Variants in MUC5AC observed in about 807,000 individuals in gnomAD.
MUC5AC encodes mucin 5AC, oligomeric mucus/gel-forming, also known as mucin-5AC.
A neutral mutation model predicts 169.7 loss-of-function variants in MUC5AC; 158 were observed. That is an observed-to-expected ratio of 0.93 (90% confidence interval 0.82 to 1.06). The LOEUF (loss-of-function observed/expected upper bound fraction) is 1.06, where lower values mean the gene tolerates loss of function less well. MUC5AC is among the 50% of genes least tolerant of loss of function. The pLI is 0.00. For missense variants in MUC5AC, 4,359 were observed against 3,089.9 expected (o/e 1.41, Z -9.74); for synonymous variants, 1,975 against 1,237.0 (o/e 1.60, Z -12.52).
In MUC5AC at chr11:1,163,886, C is replaced by G; in HGVS notation, c.684C>G (p.Thr228=). ...CCGCCTCTGTGCTTGCCGCAGACACCAAGCTGACACCCATGGAATTCGGGA... is the reference window on the plus strand; with the variant it reads ...CCGCCTCTGTGCTTGCCGCAGACACGAAGCTGACACCCATGGAATTCGGGA... ...PVVSELLSHN[T]KLTPMEFGNL... is the part of the protein sequence containing the mutation. Residue 228 remains threonine, a synonymous_variant, in exon 7 of 49, where the codon ACC becomes ACG. Coordinates refer to ENST00000621226, the MANE Select transcript of MUC5AC (RefSeq NM_001304359.2). 1 of 1,605,488 alleles carries G rather than the reference C, an allele frequency of 6.2e-7. No homozygotes were observed. The highest frequency in any genetic ancestry group is 1.1e-5 in the South Asian group (1 of 89,568).
rs1268385539 is a variant in MUC5AC, at chr11:1,190,168, C to T, written c.12023C>T (p.Pro4008Leu). 7.4e-4 allele frequency: 566 copies of T among 764,718 alleles called. 1 individual carries two copies. The highest frequency in any genetic ancestry group is 1.1e-3 in the Non-Finnish European group (459 of 417,732). 47.4% of individuals were successfully genotyped at this position (764,718 alleles called of 1,614,324 possible). ...TRLQCRAESH[P>L]EVSIEHLGQV... ...CTCCAGTGCCGAGCCGAGAGCCACC[C>T]GGAGGTGAGCATCGAACACCTGGGC... The change falls in exon 31 of 49, where the codon CCG becomes CTG. Residue 4008 changes from proline to leucine, a missense_variant. By Grantham distance (98) the Pro-to-Leu change is moderately conservative. Transcript: ENST00000621226.
Position 1,187,041 on chromosome 11 carries a change from T to C in MUC5AC, c.8896T>C (p.Ser2966Pro). The change falls in exon 31 of 49, where the codon TCT becomes CCT. Residue 2966 changes from serine to proline, a missense_variant. Coordinates refer to ENST00000621226, the MANE Select transcript of MUC5AC (RefSeq NM_001304359.2). The part of the protein sequence containing the change: ...TISVPTTSTT[S>P]ASTTSTTSGP... Reference sequence around the variant, plus strand: ...CTCTGTTCCTACCACCAGCACAACTTCTGCTTCTACAACCAGCACAACCTC... The same window carrying C: ...CTCTGTTCCTACCACCAGCACAACTCCTGCTTCTACAACCAGCACAACCTC... 1 of 749,102 alleles carries C rather than the reference T, an allele frequency of 1.3e-6. No individual in the cohort carries two copies. Among genetic ancestry groups the C allele is most frequent in the Non-Finnish European group, 2.4e-6 (1 of 410,502 alleles). 46.4% of individuals were successfully genotyped at this position (749,102 alleles called of 1,614,324 possible). A position where few individuals can be genotyped will look rare whatever the true frequency, so the allele number is the denominator to read the frequency against.
chr11:1,200,417 C>T (rs1379342676), intron 48 of MUC5AC, 21 bp from the exon 49 acceptor site: 1 of 670,298 alleles, frequency 1.5e-6, no homozygotes, highest in Admixed American at 2.1e-5. Flanking sequence ...GCAGCTGGTG[C>T]TGAGCAGCCC....
At chr11:1,175,894 C>CTT (rs1860670876) in intron 19 of MUC5AC, among the ~76,000 whole-genome samples, 1 of 145,940 alleles carries the variant, frequency 6.9e-6, no homozygotes, top group African/African-American at 2.6e-5. Flanking sequence ...CATGCACACA[C>CTT]ACCCACACAT....
intron 32 of MUC5AC, among the ~76,000 whole-genome samples, 151 bp from the exon 33 acceptor site, chr11:1,193,334 G>A (rs1477778966): frequency 2.0e-5 from 3 of 152,244 alleles, no homozygotes; most frequent in Non-Finnish European, 4.4e-5. Context: ...GGTGTCTGGG[G>A]TGGGTGCTGA....
At chr11:1,173,584 CCCACTCACTCAT>C (rs1860604791) in intron 16 of MUC5AC, among the ~76,000 whole-genome samples, 1 of 148,360 alleles carries the variant, frequency 6.7e-6, no homozygotes, top group Admixed American at 6.7e-5. Flanking sequence ...CACTCACTCA[CCCACTCACTCAT>C]CCACTCACTC....
intron 19 of MUC5AC, among the ~76,000 whole-genome samples, chr11:1,175,817 C>CA (rs1158053125): frequency 6.5e-5 from 2 of 30,862 alleles, no homozygotes; most frequent in East Asian, 0.011. Flanking sequence ...CTCATGCACA[C>CA]CACACCCACT....
In MUC5AC at chr11:1,184,313, G is replaced by A. The variant is rs1260055848; in HGVS notation, c.6168G>A (p.Pro2056=). 19 of 472,080 alleles carry A rather than the reference G, an allele frequency of 4.0e-5. No individual in the cohort carries two copies. The highest frequency in any genetic ancestry group is 1.0e-4 in the East Asian group (3 of 29,690). The allele number at this position is 472,080 out of a possible 1,614,324, so 29.2% of individuals were successfully genotyped here. Reference sequence around the variant, plus strand: ...ACGTGTGCAGAGACATCACCAGACCGCCAAAGACCGTCGCAACGACACGGC... The same window carrying A: ...ACGTGTGCAGAGACATCACCAGACCACCAAAGACCGTCGCAACGACACGGC... ...TVNVCRDITR[P]PKTVATTRPT... Residue 2056 remains proline (P), a synonymous_variant, in exon 31 of 49, where the codon CCG becomes CCA. Transcript: ENST00000621226.
chr11:1,194,152 A>G lies in MUC5AC; in HGVS notation c.14798A>G (p.Asp4933Gly). ...GWGDPHYITF[D>G]GTYYTFLDNC... ...GGTGACCCCCACTACATCACCTTCG[A>G]CGGCACCTACTACACCTTCCTGGAC... Residue 4933 changes from aspartate (D) to glycine (G), a missense_variant, in exon 34 of 49, where the codon GAC (aspartate) becomes GGC (glycine). Asp to Gly is a moderately conservative substitution (Grantham distance 94). Transcript: ENST00000621226. 1.3e-6 allele frequency: 1 copy of G among 764,954 alleles called. No individual in the cohort carries two copies. The highest frequency in any genetic ancestry group is 2.4e-6 in the Non-Finnish European group (1 of 417,834). The allele number at this position is 764,954 out of a possible 1,614,324, so 47.4% of individuals were successfully genotyped here. A position where few individuals can be genotyped will look rare whatever the true frequency, so the allele number is the denominator to read the frequency against.
In MUC5AC at chr11:1,199,456, C is replaced by T. The variant is rs754121316; in HGVS notation, c.16481C>T (p.Thr5494Met). ...CAGGATGGGCTCGTGGTGGTCACCACGAAGAAGGCGTGCCCCCCGCTCAGC... is the reference window on the plus strand; with the variant it reads ...CAGGATGGGCTCGTGGTGGTCACCATGAAGAAGGCGTGCCCCCCGCTCAGC... ...KHQDGLVVVT[T>M]KKACPPLSCS... Residue 5494 changes from threonine to methionine, a missense_variant, in exon 46 of 49, where the codon ACG becomes ATG. Thr to Met is a moderately conservative substitution (Grantham distance 81, BLOSUM62 -1). Transcript: ENST00000621226. 1.8e-5 allele frequency: 13 copies of T among 725,200 alleles called. No individual in the cohort carries two copies. Among genetic ancestry groups the T allele is most frequent in the South Asian group, 7.2e-5 (5 of 69,104 alleles). The allele number at this position is 725,200 out of a possible 1,614,324, so 44.9% of individuals were successfully genotyped here. A position where few individuals can be genotyped will look rare whatever the true frequency, so the allele number is the denominator to read the frequency against.
rs755939669 is a variant in MUC5AC, at chr11:1,162,029, G to C, written c.334G>C (p.Gly112Arg). Residue 112 changes from glycine (G) to arginine (R), a missense_variant, in exon 4 of 49, where the codon GGT (glycine) becomes CGT (arginine). Transcript: ENST00000621226. The stretch of plus-strand genomic sequence containing the variant: ...CAACTACGTGTTCTCCGAGCACTGC[G>C]GTGCCGCCTACGAGGATTTTAACAT... Reference protein sequence around the residue: ...LCNYVFSEHCGAAYEDFNIQL... With the variant: ...LCNYVFSEHCRAAYEDFNIQL... 6.2e-7 allele frequency: 1 copy of C among 1,612,578 alleles called. No individual in the cohort carries two copies. Among genetic ancestry groups the C allele is most frequent in the Non-Finnish European group, 8.5e-7 (1 of 1,179,774 alleles).
Position 1,193,540 on chromosome 11 carries a change from A to G in MUC5AC, c.14636A>G (p.Asn4879Ser), listed in dbSNP as rs758857105. ...TCCGAGGCCACCTGTGAGGGCAACA[A>G]CGTCATCTCCCTGCGCCCGCGCACG... Reference protein sequence around the residue: ...NCSEATCEGNNVISLRPRTCP... With the variant: ...NCSEATCEGNSVISLRPRTCP... Residue 4879 changes from asparagine (N) to serine (S), a missense_variant, in exon 33 of 49, where the codon AAC becomes AGC. Physicochemically the swap from Asn to Ser is conservative, Grantham distance 46. Coordinates refer to ENST00000621226, the MANE Select transcript of MUC5AC (RefSeq NM_001304359.2). The G allele has an allele frequency of 3.9e-6, 3 of 762,080 alleles. No individual in the cohort carries two copies. The highest frequency in any genetic ancestry group is 7.2e-6 in the Non-Finnish European group (3 of 416,614). The allele number at this position is 762,080 out of a possible 1,614,324, so 47.2% of individuals were successfully genotyped here.
chr11:1,169,780 AC>A (rs1860443812), intron 15 of MUC5AC, among the ~76,000 whole-genome samples: 1 of 129,834 alleles, frequency 7.7e-6, no homozygotes. Context: ...CCACTCACCC[AC>A]TCACGCTTTC....
chr11:1,178,361 G>C (rs1860735575), intron 24 of MUC5AC, 83 bp from the exon 25 acceptor site: 2 of 397,010 alleles, frequency 5.0e-6, no homozygotes, highest in Non-Finnish European at 8.9e-6. Context: ...GGCCCTGGGT[G>C]GGAGGAGGCG....
At position 1,193,555 on chromosome 11, in the gene MUC5AC, G is replaced by A. The variant is rs561191121; in HGVS notation, c.14651G>A (p.Arg4884His). 2.2e-5 allele frequency: 17 copies of A among 764,054 alleles called. No individual in the cohort carries two copies. The highest frequency in any genetic ancestry group is 1.2e-4 in the East Asian group (5 of 41,204). 47.3% of individuals were successfully genotyped at this position (764,054 alleles called of 1,614,324 possible). A position where few individuals can be genotyped will look rare whatever the true frequency, so the allele number is the denominator to read the frequency against. ...GAGGGCAACAACGTCATCTCCCTGCGCCCGCGCACGTGCCCGAGGGTGGAG... is the reference window on the plus strand; with the variant it reads ...GAGGGCAACAACGTCATCTCCCTGCACCCGCGCACGTGCCCGAGGGTGGAG... ...TCEGNNVISLRPRTCPRVEKP... is the reference protein window; with the variant it reads ...TCEGNNVISLHPRTCPRVEKP... Residue 4884 changes from arginine to histidine, a missense_variant, in exon 33 of 49, where the codon CGC becomes CAC. Coordinates refer to ENST00000621226, the MANE Select transcript of MUC5AC (RefSeq NM_001304359.2).
chr11:1,175,837 G>GCACTCACACCCACTTTTGCAA (rs1554926831), intron 19 of MUC5AC, among the ~76,000 whole-genome samples: 3 of 91,290 alleles, frequency 3.3e-5, no homozygotes, highest in Non-Finnish European at 6.2e-5. Context: ...TCATGCACAC[G>GCACTCACACCCACTTTTGCAA]CACTCACACA....
At chr11:1,193,004 T>A in intron 32 of MUC5AC, 22 bp downstream of exon 32, 1 of 671,438 alleles carries the variant, frequency 1.5e-6, no homozygotes, top group Non-Finnish European at 2.7e-6. Context: ...CTTCTCACCC[T>A]TCTGAAGGCT....
At chr11:1,171,401 A>G (rs1193707034) in intron 15 of MUC5AC, among the ~76,000 whole-genome samples, 1,066 of 107,702 alleles carry the variant, frequency 9.9e-3, no homozygotes, top group African/African-American at 0.038. Context: ...TCACCCATTC[A>G]TCCACTCACT....
At position 1,161,876 on chromosome 11, in the gene MUC5AC, G is replaced by A. The variant is rs574825390; in HGVS notation, c.212-31G>A. The A allele has an allele frequency of 1.0e-5, 16 of 1,599,828 alleles. 1 individual carries two copies. The highest frequency in any genetic ancestry group is 9.0e-5 in the East Asian group (4 of 44,310). On this transcript the variant is annotated intron_variant, in intron 3 of 48. Coordinates refer to ENST00000621226, the MANE Select transcript of MUC5AC (RefSeq NM_001304359.2). ...GGTGCAGGGCGAGGATGAGGGCGACGCCCCCAAACACCATGCTGCTTCCAC... is the reference window on the plus strand; with the variant it reads ...GGTGCAGGGCGAGGATGAGGGCGACACCCCCAAACACCATGCTGCTTCCAC...
Sources: gnomAD v4.1 joint callset for allele counts (sites outside exome capture counted in the v4.1 genomes callset) on GRCh38, gnomAD v4.1.1 for gene constraint, MANE v1.5 for transcripts, NCBI Gene and HGNC (gene_info 2026-07-23, HGNC 2026-07-21) for gene names.